Variants in MARK1 observed in about 807,000 individuals in gnomAD.
MARK1 encodes microtubule affinity regulating kinase 1.
In MARK1, 40 loss-of-function variants were observed where a neutral mutation model predicts 96.3. That is an observed-to-expected ratio of 0.42 (90% CI 0.32 to 0.54). The LOEUF is 0.54. MARK1 is among the 20% of genes least tolerant of loss of function. The pLI, the probability that MARK1 is intolerant of heterozygous loss-of-function variation, is 0.16. For missense variants in MARK1, 719 were observed against 984.6 expected, an observed-to-expected ratio of 0.73 and a Z score of 3.61; for synonymous variants, 317 against 341.2, an observed-to-expected ratio of 0.93 and a Z score of 0.78.
chr1:220,642,617 A>G (rs759461831), intron 13 of MARK1, among the ~76,000 whole-genome samples: 9 of 152,148 alleles, frequency 5.9e-5, no homozygotes, highest in South Asian at 2.1e-4. Flanking sequence ...AGCTCCACCA[A>G]TGGGCAGCCA....
At chr1:220,600,034 C>T (rs1295287921) in intron 5 of MARK1, among the ~76,000 whole-genome samples, 171 bp downstream of exon 5, 1 of 151,998 alleles carries the variant, frequency 6.6e-6, no homozygotes, top group Non-Finnish European at 1.5e-5. Flanking sequence ...TAAGACCTTT[C>T]GATCTTACAT....
At chr1:220,583,558 A>T (rs1274471374) in intron 3 of MARK1, among the ~76,000 whole-genome samples, 1 of 152,020 alleles carries the variant, frequency 6.6e-6, no homozygotes, top group Non-Finnish European at 1.5e-5. Flanking sequence ...GGTAGATGCT[A>T]TTTTTAGTTC....
chr1:220,644,601 T>C (rs1668480962), intron 13 of MARK1, among the ~76,000 whole-genome samples: 1 of 151,768 alleles, frequency 6.6e-6, no homozygotes, highest in African/African-American at 2.4e-5. Context: ...TCTGCAGAAC[T>C]CTCCACCCCA....
At chr1:220,641,334 A>T (rs1340635886) in intron 13 of MARK1, among the ~76,000 whole-genome samples, 2 of 152,054 alleles carry the variant, frequency 1.3e-5, no homozygotes, top group African/African-American at 4.8e-5. Context: ...GCCCTCACGA[A>T]TGGGATTAGT....
At chr1:220,590,770 A>G (rs1664931803) in intron 3 of MARK1, among the ~76,000 whole-genome samples, 1 of 152,096 alleles carries the variant, frequency 6.6e-6, no homozygotes, top group Admixed American at 6.6e-5. Flanking sequence ...ACTGCCTATC[A>G]TTTTTAGTCA....
chr1:220,651,560 A>G (rs1285035515), intron 14 of MARK1, among the ~76,000 whole-genome samples: 1 of 152,216 alleles, frequency 6.6e-6, no homozygotes, highest in East Asian at 1.9e-4. Flanking sequence ...TGATGAATCT[A>G]GAGATAATAT....
At chr1:220,531,746 C>G (rs913350007) in intron 1 of MARK1, among the ~76,000 whole-genome samples, 4 of 151,880 alleles carry the variant, frequency 2.6e-5, no homozygotes, top group Admixed American at 2.0e-4. Context: ...GTTAATAGGC[C>G]TCAACGGGCT....
intron 1 of MARK1, among the ~76,000 whole-genome samples, chr1:220,550,583 G>T (rs1396127048): frequency 2.0e-5 from 3 of 152,128 alleles, no homozygotes; most frequent in African/African-American, 7.2e-5. Flanking sequence ...AAACTCCTGG[G>T]GCTCAAGCAA....
chr1:220,657,245 T>C (rs2103068944), intron 16 of MARK1, among the ~76,000 whole-genome samples: 1 of 152,330 alleles, frequency 6.6e-6, no homozygotes, highest in East Asian at 1.9e-4. Flanking sequence ...GAATCCGTGT[T>C]TTTAGACTTG....
At chr1:220,533,672 A>G (rs114479601) in intron 1 of MARK1, among the ~76,000 whole-genome samples, 2,176 of 152,162 alleles carry the variant, frequency 0.014, 18 homozygotes, top group Middle Eastern at 0.027. Context: ...ATTGATATAC[A>G]TTGTTTCTGT....
chr1:220,632,510 G>A (rs549920993), intron 11 of MARK1, among the ~76,000 whole-genome samples, 197 bp downstream of exon 11: 5 of 152,246 alleles, frequency 3.3e-5, no homozygotes, highest in African/African-American at 7.2e-5. Context: ...GAAAGAATAG[G>A]TCTACTGTCT....
At chr1:220,597,409 T>C (rs1272617624) in intron 3 of MARK1, among the ~76,000 whole-genome samples, 2 of 152,160 alleles carry the variant, frequency 1.3e-5, no homozygotes, top group South Asian at 2.1e-4. Flanking sequence ...TTGGGGGTTG[T>C]TTTTTGATAG....
At chr1:220,602,588 G>T (rs1337570) in intron 5 of MARK1, among the ~76,000 whole-genome samples, 1 of 152,060 alleles carries the variant, frequency 6.6e-6, no homozygotes, top group South Asian at 2.1e-4. Flanking sequence ...CCTAAACTCA[G>T]ATATCTAGAA....
intron 11 of MARK1, among the ~76,000 whole-genome samples, chr1:220,633,545 G>A (rs1667787377): frequency 6.6e-6 from 1 of 152,216 alleles, no homozygotes; most frequent in East Asian, 1.9e-4. Context: ...GGAGCCCTTA[G>A]TCTAGAGACG....
At chr1:220,612,032 C>T (rs187635191) in intron 6 of MARK1, among the ~76,000 whole-genome samples, 77 of 152,330 alleles carry the variant, frequency 5.1e-4, no homozygotes, top group African/African-American at 1.6e-3. Flanking sequence ...TGTGCCCAGC[C>T]ACACACATCG....
At chr1:220,613,093 A>T (rs1666547376) in intron 6 of MARK1, among the ~76,000 whole-genome samples, 1 of 152,218 alleles carries the variant, frequency 6.6e-6, no homozygotes, top group Non-Finnish European at 1.5e-5. Context: ...AGGATCCATT[A>T]ATAGAAGGCT....
intron 1 of MARK1, among the ~76,000 whole-genome samples, chr1:220,548,510 C>G (rs1661649995): frequency 6.7e-6 from 1 of 148,756 alleles, no homozygotes; most frequent in Non-Finnish European, 1.5e-5. Flanking sequence ...GAGGCTGAGA[C>G]TGGCGGATCA....
intron 1 of MARK1, among the ~76,000 whole-genome samples, chr1:220,578,999 C>A (rs1664049574): frequency 6.6e-6 from 1 of 152,058 alleles, no homozygotes; most frequent in Non-Finnish European, 1.5e-5. Flanking sequence ...CGTGCCACCA[C>A]AACCGGCTAA....
intron 1 of MARK1, among the ~76,000 whole-genome samples, chr1:220,539,516 G>A (rs188787609): frequency 4.6e-5 from 7 of 151,928 alleles, no homozygotes; most frequent in Non-Finnish European, 7.4e-5. Flanking sequence ...TTTTATATAC[G>A]GTCTTTTTTA....
Sources: allele counts gnomAD v4.1 joint callset (sites outside exome capture counted in the v4.1 genomes callset), GRCh38; gene constraint gnomAD v4.1.1; transcripts MANE v1.5; gene names NCBI Gene and HGNC (gene_info 2026-07-23, HGNC 2026-07-21).